The following ZNF723 variants were observed in gnomAD, a reference collection of about 807,000 sequenced individuals.
The protein encoded by ZNF723 is zinc finger protein 723, pseudogene.
Under a neutral mutation model 9.4 loss-of-function variants are expected in ZNF723, and 5 were observed. The ratio of observed to expected loss-of-function variants is 0.53; its 90% CI spans 0.28 to 1.12. The LOEUF (loss-of-function observed/expected upper bound fraction) is 1.12, where lower values mean the gene tolerates loss of function less well. Among genes scored for constraint, ZNF723 ranks in the 50% most tolerant of loss-of-function variants. The probability of loss-of-function intolerance (pLI) is 0.10; values close to 1 mark genes in which losing one functional copy is unlikely to be tolerated. For synonymous variants in ZNF723, 158 were observed against 168.8 expected (o/e 0.94, Z 0.49); for missense variants, 450 against 501.5 (o/e 0.90, Z 0.98).
chr19:22,838,743 T>C (rs977120912), intron 1 of ZNF723, among the ~76,000 whole-genome samples: 9 of 151,908 alleles, frequency 5.9e-5, no homozygotes, highest in African/African-American at 2.2e-4. Flanking sequence ...ATTTTCTTCT[T>C]ATTTTATTAT....
At position 22,857,861 on chromosome 19, in the gene ZNF723, C is replaced by T. The variant is rs796451714; in HGVS notation, c.970C>T (p.Gln324Ter). 5.7e-6 allele frequency: 8 copies of T among 1,401,696 alleles called. No individual in the cohort carries two copies. The highest frequency in any genetic ancestry group is 4.6e-5 in the South Asian group (4 of 86,430). 86.8% of individuals were successfully genotyped at this position (1,401,696 alleles called of 1,614,324 possible). A position where few individuals can be genotyped will look rare whatever the true frequency, so the allele number is the denominator to read the frequency against. Residue 324 changes from glutamine to a stop codon, truncating the protein, a stop_gained, in exon 4 of 4, where the codon CAG becomes TAG. Transcript: ENST00000600766. LOFTEE classifies it low-confidence loss of function (END_TRUNC). ...KCEECGKAFN[Q>*]PSHLATHKRI... ...TGAAGAATGTGGCAAAGCCTTTAACCAGCCCTCACACCTTGCTACACATAA... is the reference window on the plus strand; with the variant it reads ...TGAAGAATGTGGCAAAGCCTTTAACTAGCCCTCACACCTTGCTACACATAA...
chr19:22,854,154 TACACACAC>T (rs71163412), intron 3 of ZNF723, among the ~76,000 whole-genome samples: 5 of 149,796 alleles, frequency 3.3e-5, no homozygotes, highest in African/African-American at 4.9e-5. Flanking sequence ...AAATGTGAGA[TACACACAC>T]ACACACACAC....
chr19:22,851,597 C>T, intron 3 of ZNF723, among the ~76,000 whole-genome samples: 1 of 152,112 alleles, frequency 6.6e-6, no homozygotes, highest in Non-Finnish European at 1.5e-5. Context: ...AACTCCTGGT[C>T]TCAAGTGATC....
intron 1 of ZNF723, among the ~76,000 whole-genome samples, chr19:22,838,735 TTTC>T (rs1480012818): frequency 6.6e-6 from 1 of 151,772 alleles, no homozygotes; most frequent in Non-Finnish European, 1.5e-5. Context: ...TCTACTTTAT[TTTC>T]TTCTTATTTT....
chr19:22,855,140 G>A (rs534025043), intron 3 of ZNF723, among the ~76,000 whole-genome samples: 13 of 151,400 alleles, frequency 8.6e-5, no homozygotes, highest in South Asian at 8.3e-4. Context: ...TTTCTGCACC[G>A]TTATAACAAT....
the ZNF723 span, among the ~76,000 whole-genome samples, chr19:22,821,714 C>G: frequency 6.6e-6 from 1 of 152,170 alleles, no homozygotes; most frequent in Admixed American, 6.5e-5. Flanking sequence ...ATATGGGAAC[C>G]CAGCCAATAA....
chr19:22,847,864 G>A (rs997692094), intron 1 of ZNF723, among the ~76,000 whole-genome samples: 3 of 152,014 alleles, frequency 2.0e-5, no homozygotes, highest in Admixed American at 6.6e-5. Flanking sequence ...ACTTTGGGAG[G>A]CCAAGGCGGA....
chr19:22,821,979 G>T, the ZNF723 span, among the ~76,000 whole-genome samples: 1 of 152,128 alleles, frequency 6.6e-6, no homozygotes, highest in Non-Finnish European at 1.5e-5. Flanking sequence ...TTGTGGTGGT[G>T]TGCGTCTGTA....
chr19:22,842,340 T>C (rs1967258605), intron 1 of ZNF723, among the ~76,000 whole-genome samples: 1 of 152,158 alleles, frequency 6.6e-6, no homozygotes, highest in East Asian at 1.9e-4. Context: ...CTCTTAAAAC[T>C]GTTAACTGTT....
At chr19:22,826,873 T>A in the ZNF723 span, among the ~76,000 whole-genome samples, 1 of 152,224 alleles carries the variant, frequency 6.6e-6, no homozygotes, top group Non-Finnish European at 1.5e-5. Context: ...AGGTAAAAGA[T>A]GAAGGGCTAA....
intron 1 of ZNF723, among the ~76,000 whole-genome samples, chr19:22,844,082 G>A (rs1367284536): frequency 6.6e-6 from 1 of 152,166 alleles, no homozygotes; most frequent in African/African-American, 2.4e-5. Flanking sequence ...GAAGAGATGA[G>A]AGTTTTGGCT....
intron 1 of ZNF723, among the ~76,000 whole-genome samples, chr19:22,838,409 G>A (rs1041667349): frequency 5.3e-5 from 8 of 152,094 alleles, no homozygotes; most frequent in Admixed American, 6.5e-5. Context: ...AAAATTAGCC[G>A]GGCGTGGTGG....
chr19:22,844,991 C>T (rs537809000), intron 1 of ZNF723, among the ~76,000 whole-genome samples: 152 of 152,124 alleles, frequency 1.0e-3, no homozygotes, highest in African/African-American at 3.5e-3. Flanking sequence ...TGGTGGCAGG[C>T]GCCTGTAGTC....
At chr19:22,832,278 G>T (rs1037649502), upstream of ZNF723, 10 of 1,192,670 alleles carry the variant, frequency 8.4e-6, no homozygotes, top group Admixed American at 2.0e-5. Flanking sequence ...CGGCTTCCGG[G>T]ATTTGGCGCG....
chr19:22,836,037 T>C (rs1967161678), intron 1 of ZNF723, among the ~76,000 whole-genome samples: 2 of 150,662 alleles, frequency 1.3e-5, no homozygotes, highest in African/African-American at 2.5e-5. Flanking sequence ...TGCTAGATGT[T>C]TTAGTTTTAA....
chr19:22,834,291 A>G (rs1279655884), intron 1 of ZNF723, among the ~76,000 whole-genome samples: 4 of 151,502 alleles, frequency 2.6e-5, no homozygotes, highest in Admixed American at 2.6e-4. Flanking sequence ...ATTTAAAGAG[A>G]TTCGTTTTCT....
intron 3 of ZNF723, among the ~76,000 whole-genome samples, chr19:22,849,920 A>C (rs909642640): frequency 6.6e-6 from 1 of 152,150 alleles, no homozygotes; most frequent in Non-Finnish European, 1.5e-5. Context: ...AAAAGTAAAA[A>C]AAAAGAAACA....
upstream of ZNF723, among the ~76,000 whole-genome samples, chr19:22,831,410 AG>A (rs1281327665): frequency 1.3e-5 from 2 of 151,456 alleles, no homozygotes. Flanking sequence ...TATAAAAATT[AG>A]CTGGGTGTGG....
At chr19:22,818,326 C>T in the ZNF723 span, among the ~76,000 whole-genome samples, 2 of 152,138 alleles carry the variant, frequency 1.3e-5, no homozygotes, top group African/African-American at 4.8e-5. Context: ...GTCATCCTTC[C>T]ACATGAATAC....
Sources: allele counts gnomAD v4.1 joint callset (sites outside exome capture counted in the v4.1 genomes callset), GRCh38; gene constraint gnomAD v4.1.1; transcripts MANE v1.5; gene names NCBI Gene and HGNC (gene_info 2026-07-23, HGNC 2026-07-21).